Variants in ARHGEF38 observed in about 807,000 individuals in gnomAD.
ARHGEF38 encodes the protein Rho guanine nucleotide exchange factor 38.
In ARHGEF38, 79 loss-of-function variants were observed where a neutral mutation model predicts 79.9. The ratio of observed to expected loss-of-function variants is 0.99; its 90% CI spans 0.82 to 1.19. The LOEUF (loss-of-function observed/expected upper bound fraction) is 1.19. ARHGEF38 is among the 50% of genes most tolerant of loss of function. The pLI is 0.00. For missense variants in ARHGEF38, 962 were observed against 907.2 expected (o/e 1.06, Z -0.78); for synonymous variants, 366 against 328.3 (o/e 1.11, Z -1.24).
chr4:105,563,081 A>G (rs930479833), intron 1 of ARHGEF38, among the ~76,000 whole-genome samples: 1 of 152,172 alleles, frequency 6.6e-6, no homozygotes, highest in Non-Finnish European at 1.5e-5. Flanking sequence ...ATTCCTAAAG[A>G]GGGCATATCT....
In ARHGEF38 at chr4:105,574,659, T is replaced by C. The variant is rs192269741; in HGVS notation, c.197-14589T>C. ...CATTAAGTATGATGTTTGCTGTTAA[T>C]TTTTTATATATGGCTTTTATTATGT... On this transcript the variant is annotated intron_variant, in intron 1 of 13. Coordinates refer to ENST00000420470, the MANE Select transcript of ARHGEF38 (RefSeq NM_001242729.2). Among the ~76,000 whole-genome samples the C allele has an allele frequency of 2.8e-3, 419 of 152,288 alleles. 2 individuals are homozygous for C. The highest frequency in any genetic ancestry group is 0.014 in the Middle Eastern group (4 of 294).
chr4:105,618,369 G>A (rs766851055), intron 3 of ARHGEF38, among the ~76,000 whole-genome samples: 1 of 152,170 alleles, frequency 6.6e-6, no homozygotes, highest in African/African-American at 2.4e-5. Flanking sequence ...TGGGCATGGT[G>A]GCTCACACCT....
At chr4:105,642,565 G>T (rs1329024937) in intron 5 of ARHGEF38, among the ~76,000 whole-genome samples, 1 of 152,098 alleles carries the variant, frequency 6.6e-6, no homozygotes, top group African/African-American at 2.4e-5. Flanking sequence ...TAAAGTTAAA[G>T]TTCTTAACAT....
chr4:105,571,911 T>C (rs3822276), intron 1 of ARHGEF38, among the ~76,000 whole-genome samples: 2 of 152,026 alleles, frequency 1.3e-5, no homozygotes, highest in Admixed American at 1.3e-4. Flanking sequence ...TGGTGCCTGA[T>C]AGAAAGAAGC....
chr4:105,638,679 A>G (rs1249526678), intron 5 of ARHGEF38, among the ~76,000 whole-genome samples: 1 of 152,144 alleles, frequency 6.6e-6, no homozygotes, highest in African/African-American at 2.4e-5. Context: ...CTTCACACAC[A>G]TACATTGACT....
chr4:105,574,330 G>A (rs1286087680), intron 1 of ARHGEF38, among the ~76,000 whole-genome samples: 4 of 152,002 alleles, frequency 2.6e-5, no homozygotes, highest in African/African-American at 7.2e-5. Context: ...GGTGGATCCC[G>A]GGGTCAGGAG....
At chr4:105,608,741 G>A (rs1476971416) in intron 2 of ARHGEF38, among the ~76,000 whole-genome samples, 1 of 151,772 alleles carries the variant, frequency 6.6e-6, no homozygotes, top group Non-Finnish European at 1.5e-5. Context: ...TACATGTGCA[G>A]GATGTGCAGG....
At chr4:105,675,373 G>A (rs987936225) in intron 13 of ARHGEF38, among the ~76,000 whole-genome samples, 4 of 152,092 alleles carry the variant, frequency 2.6e-5, no homozygotes, top group Non-Finnish European at 5.9e-5. Flanking sequence ...TGTAAAAGGT[G>A]TTTATTATTG....
intron 2 of ARHGEF38, among the ~76,000 whole-genome samples, chr4:105,601,494 G>T (rs1346042327): frequency 6.6e-6 from 1 of 152,098 alleles, no homozygotes. Context: ...AGAGAAAGAA[G>T]ACAATATAGG....
At chr4:105,669,097 C>T (rs1730870245) in intron 13 of ARHGEF38, among the ~76,000 whole-genome samples, 1 of 152,086 alleles carries the variant, frequency 6.6e-6, no homozygotes, top group Admixed American at 6.6e-5. Context: ...CCCTTCTCCC[C>T]TTGTCCTGTG....
At chr4:105,612,773 G>T (rs979797757) in intron 2 of ARHGEF38, among the ~76,000 whole-genome samples, 1 of 151,954 alleles carries the variant, frequency 6.6e-6, no homozygotes, top group Non-Finnish European at 1.5e-5. Flanking sequence ...ATGGATAAAT[G>T]AATAAATAAA....
intron 4 of ARHGEF38, among the ~76,000 whole-genome samples, chr4:105,635,037 T>C (rs146604003): frequency 9.8e-5 from 15 of 152,308 alleles, no homozygotes; most frequent in African/African-American, 3.4e-4. Context: ...TTCCTTGTTA[T>C]ATGGCATCAT....
chr4:105,556,909 T>C (rs892485855), intron 1 of ARHGEF38, among the ~76,000 whole-genome samples: 3 of 152,176 alleles, frequency 2.0e-5, no homozygotes, highest in Admixed American at 6.6e-5. Context: ...AGAATTTATA[T>C]AATAAGTAAT....
chr4:105,678,272 C>T lies in ARHGEF38; in HGVS notation c.*335C>T. 1 of 179,134 alleles carries T rather than the reference C, an allele frequency of 5.6e-6. No individual in the cohort carries two copies. Among genetic ancestry groups the T allele is most frequent in the Non-Finnish European group, 1.1e-5 (1 of 86,964 alleles). The allele number at this position is 179,134 out of a possible 1,614,324, so 11.1% of individuals were successfully genotyped here. On this transcript the variant is annotated 3_prime_UTR_variant, in exon 14 of 14. Transcript: ENST00000420470. ...TTGGATCCAAAGGTTTTTCAATTTA[C>T]TTTTTTTTTTACTGTATGATGTATT...
intron 13 of ARHGEF38, among the ~76,000 whole-genome samples, chr4:105,673,579 T>C (rs896054937): frequency 6.6e-6 from 1 of 152,114 alleles, no homozygotes; most frequent in African/African-American, 2.4e-5. Flanking sequence ...CTTATTAACA[T>C]GAAGAGATTT....
intron 2 of ARHGEF38, 99 bp from the exon 3 acceptor site, chr4:105,613,285 G>T: frequency 7.3e-7 from 1 of 1,367,836 alleles, no homozygotes; most frequent in Non-Finnish European, 9.7e-7. Flanking sequence ...GGTTAATGGA[G>T]ACAGCATGCG....
chr4:105,641,889 T>C (rs1271179867), intron 5 of ARHGEF38, among the ~76,000 whole-genome samples: 1 of 152,152 alleles, frequency 6.6e-6, no homozygotes, highest in Non-Finnish European at 1.5e-5. Flanking sequence ...AAAAATAATT[T>C]GTAATGAGAT....
intron 10 of ARHGEF38, among the ~76,000 whole-genome samples, chr4:105,660,253 A>AT (rs1230111857): frequency 3.3e-5 from 5 of 152,012 alleles, no homozygotes; most frequent in Non-Finnish European, 5.9e-5. Context: ...TCTCATCCCC[A>AT]TTTTTGTTAG....
chr4:105,648,819 CCTCTCTCTCT>C (rs71586108), intron 7 of ARHGEF38, 137 bp downstream of exon 7: 6 of 491,192 alleles, frequency 1.2e-5, no homozygotes, highest in African/African-American at 6.7e-5. Context: ...CTCTTGTCTC[CCTCTCTCTCT>C]CTCTCTCTCT....
Sources: gnomAD v4.1 joint callset for allele counts (sites outside exome capture counted in the v4.1 genomes callset) on GRCh38, gnomAD v4.1.1 for gene constraint, MANE v1.5 for transcripts, NCBI Gene and HGNC (gene_info 2026-07-23, HGNC 2026-07-21) for gene names.